The following XKR6 variants were observed in gnomAD, a reference collection of about 807,000 sequenced individuals.
The protein encoded by XKR6 is XK-related protein 6.
Under a neutral mutation model 56.7 loss-of-function variants are expected in XKR6, and 22 were observed. The ratio of observed to expected loss-of-function variants is 0.39; its 90% CI spans 0.28 to 0.55. XKR6 has a LOEUF of 0.55. Ranked by LOEUF, XKR6 falls within the 20% of genes least tolerant of loss-of-function variation. The pLI is 0.66. For synonymous variants in XKR6, 524 were observed against 387.8 expected (o/e 1.35, Z -4.13); for missense variants, 852 against 889.0 (o/e 0.96, Z 0.53).
In XKR6 at chr8:10,949,228, A is replaced by G. The variant is rs376997419; in HGVS notation, c.765-24398T>C. Among the ~76,000 whole-genome samples the G allele has an allele frequency of 7.2e-5, 11 of 152,340 alleles. No homozygotes were observed. In the East Asian group the frequency reaches 1.4e-3, roughly 19 times the overall value. On this transcript the variant is annotated intron_variant, in intron 1 of 2. Coordinates refer to ENST00000416569, the MANE Select transcript of XKR6 (RefSeq NM_173683.4). ...TCCAGCCTCTCCCTCCATAAGATAA[A>G]GAGCGGAACAACCGTTTCTAAGTCC... is the stretch of plus-strand genomic sequence containing the variant.
chr8:10,996,017 C>T (rs1002413179), intron 1 of XKR6, among the ~76,000 whole-genome samples: 4 of 152,180 alleles, frequency 2.6e-5, no homozygotes, highest in African/African-American at 9.7e-5. Context: ...AATAGATCCT[C>T]TCTATAACGC....
chr8:10,903,309 T>G (rs1290903231), intron 2 of XKR6, among the ~76,000 whole-genome samples: 2 of 151,974 alleles, frequency 1.3e-5, no homozygotes, highest in African/African-American at 2.4e-5. Flanking sequence ...CAGCGAAGGG[T>G]GCCTTGAGGA....
intron 1 of XKR6, among the ~76,000 whole-genome samples, chr8:11,164,213 G>A (rs956710870): frequency 6.6e-6 from 1 of 152,218 alleles, no homozygotes; most frequent in Admixed American, 6.5e-5. Flanking sequence ...AGGTTTGAAA[G>A]TGCCTCAAGC....
chr8:11,017,256 T>A (rs1286632540), intron 1 of XKR6, among the ~76,000 whole-genome samples: 2 of 152,128 alleles, frequency 1.3e-5, no homozygotes, highest in African/African-American at 2.4e-5. Context: ...TGGATGGATA[T>A]GCGTATAGAT....
chr8:11,195,256 T>C (rs1270088224), intron 1 of XKR6: 2 of 689,684 alleles, frequency 2.9e-6, no homozygotes, highest in Non-Finnish European at 5.3e-6. Flanking sequence ...CCCTAGTGTT[T>C]TTACAGTTTA....
intron 1 of XKR6, among the ~76,000 whole-genome samples, chr8:11,178,566 A>ACG (rs1802792242): frequency 7.2e-6 from 1 of 139,518 alleles, no homozygotes; most frequent in East Asian, 2.0e-4. Flanking sequence ...ATATATATAT[A>ACG]TATATATGTA....
At chr8:11,049,330 C>A (rs952479438) in intron 1 of XKR6, among the ~76,000 whole-genome samples, 3 of 152,220 alleles carry the variant, frequency 2.0e-5, no homozygotes, top group Non-Finnish European at 4.4e-5. Context: ...TTTCTCAGGA[C>A]ATGACCCGGC....
chr8:10,941,124 G>A lies in XKR6; in HGVS notation c.765-16294C>T, dbSNP rs1034640634. 2.6e-5 allele frequency among the ~76,000 whole-genome samples: 4 copies of A among 152,100 alleles called. No individual in the cohort carries two copies. The East Asian group carries it at 5.8e-4, about 22-fold the overall frequency. On this transcript the variant is annotated intron_variant, in intron 1 of 2. Transcript: ENST00000416569. ...CACCTTTCCCACTGCCTTATGACAC[G>A]GAGACCCCTCCAGGCCCTGTCCAAC...
At chr8:11,080,451 A>G (rs780666461) in intron 1 of XKR6, among the ~76,000 whole-genome samples, 9 of 152,242 alleles carry the variant, frequency 5.9e-5, no homozygotes, top group Admixed American at 2.0e-4. Flanking sequence ...TATTGGGCTC[A>G]TTGTAGAAAT....
intron 1 of XKR6, among the ~76,000 whole-genome samples, chr8:10,962,898 C>T (rs538528448): frequency 3.3e-5 from 5 of 152,200 alleles, no homozygotes; most frequent in Non-Finnish European, 7.4e-5. Context: ...GCTGAGATTA[C>T]AGGCATGAGC....
At chr8:11,092,586 G>A (rs531104960) in intron 1 of XKR6, among the ~76,000 whole-genome samples, 1 of 152,272 alleles carries the variant, frequency 6.6e-6, no homozygotes, top group East Asian at 1.9e-4. Flanking sequence ...AGAAACTGCT[G>A]ATCTCACGTT....
At chr8:11,091,389 G>C (rs963907981) in intron 1 of XKR6, among the ~76,000 whole-genome samples, 3 of 151,798 alleles carry the variant, frequency 2.0e-5, no homozygotes, top group African/African-American at 7.3e-5. Context: ...AGTGAGCCAA[G>C]ATTGCACCCT....
intron 1 of XKR6, among the ~76,000 whole-genome samples, chr8:11,149,853 G>T (rs1801179629): frequency 6.6e-6 from 1 of 152,162 alleles, no homozygotes; most frequent in African/African-American, 2.4e-5. Context: ...CAGACAAATG[G>T]AAAAAGAAAG....
intron 1 of XKR6, among the ~76,000 whole-genome samples, chr8:11,028,316 C>T (rs573438053): frequency 2.0e-5 from 3 of 152,280 alleles, no homozygotes; most frequent in Admixed American, 1.3e-4. Flanking sequence ...AATGATATCC[C>T]ATCGTTTGCA....
At chr8:11,079,639 A>C (rs187252415) in intron 1 of XKR6, among the ~76,000 whole-genome samples, 321 of 152,344 alleles carry the variant, frequency 2.1e-3, no homozygotes, top group African/African-American at 7.2e-3. Flanking sequence ...GAATTGTGTT[A>C]GAAAGACCAG....
intron 2 of XKR6, among the ~76,000 whole-genome samples, chr8:10,918,421 G>A (rs1006412412): frequency 1.3e-5 from 2 of 151,818 alleles, no homozygotes. Flanking sequence ...GGCATCTGGG[G>A]CATGCACACA....
intron 1 of XKR6, among the ~76,000 whole-genome samples, chr8:10,981,417 C>T (rs963059503): frequency 6.6e-6 from 1 of 152,110 alleles, no homozygotes; most frequent in African/African-American, 2.4e-5. Flanking sequence ...GTCAACAAGG[C>T]TTGGTGATGA....
chr8:10,988,011 C>T (rs540308840), intron 1 of XKR6, among the ~76,000 whole-genome samples: 2 of 152,328 alleles, frequency 1.3e-5, no homozygotes, highest in Admixed American at 6.5e-5. Flanking sequence ...AGGGCTGTCC[C>T]CTTGTTTTCC....
At chr8:11,171,539 C>G (rs557907246) in intron 1 of XKR6, among the ~76,000 whole-genome samples, 1 of 152,288 alleles carries the variant, frequency 6.6e-6, no homozygotes, top group African/African-American at 2.4e-5. Flanking sequence ...TTAATTCTTA[C>G]TCTTAGTCCC....
Sources: gnomAD v4.1 joint callset for allele counts (sites outside exome capture counted in the v4.1 genomes callset) on GRCh38, gnomAD v4.1.1 for gene constraint, MANE v1.5 for transcripts, NCBI Gene and HGNC (gene_info 2026-07-23, HGNC 2026-07-21) for gene names.